The following ATRNL1 variants were observed in gnomAD, a reference collection of about 807,000 sequenced individuals.
The protein encoded by ATRNL1 is attractin like 1, also known as attractin-like protein 1.
A neutral mutation model predicts 182.7 loss-of-function variants in ATRNL1; 95 were observed. That is an observed-to-expected ratio of 0.52 (90% CI 0.44 to 0.62). ATRNL1 has a LOEUF of 0.62. Among genes scored for constraint, ATRNL1 ranks in the 20% least tolerant of loss-of-function variants. The probability of loss-of-function intolerance (pLI) is 0.00; values close to 1 mark genes in which losing one functional copy is unlikely to be tolerated. For missense variants in ATRNL1, 1,471 were observed against 1,679.5 expected (o/e 0.88, Z 2.17); for synonymous variants, 576 against 568.3 (o/e 1.01, Z -0.19).
At chr10:115,622,724 G>A (rs1399904787) in intron 26 of ATRNL1, among the ~76,000 whole-genome samples, 1 of 152,076 alleles carries the variant, frequency 6.6e-6, no homozygotes. Flanking sequence ...TCAGGAGATC[G>A]AGACCATCCT....
At chr10:115,761,578 A>C (rs1405899820) in intron 27 of ATRNL1, among the ~76,000 whole-genome samples, 1 of 152,240 alleles carries the variant, frequency 6.6e-6, no homozygotes, top group Admixed American at 6.5e-5. Flanking sequence ...CTACTTCCAA[A>C]AAAGAATTGA....
rs191415244 is a variant in ATRNL1 at position 115,415,490 on chromosome 10, C to A, written c.3270-10760C>A. On this transcript the variant is annotated intron_variant, in intron 20 of 28. Coordinates refer to ENST00000355044, the MANE Select transcript of ATRNL1 (RefSeq NM_207303.4). ...TCCCAGTTTGTCATATGTTTCTTGACAGTACTAATTGCACTTTTTTTTTTT... is the reference window on the plus strand; with the variant it reads ...TCCCAGTTTGTCATATGTTTCTTGAAAGTACTAATTGCACTTTTTTTTTTT... 2.1e-3 allele frequency among the ~76,000 whole-genome samples: 311 copies of A among 151,280 alleles called. 1 individual carries two copies. The highest frequency in any genetic ancestry group is 7.1e-3 in the African/African-American group (292 of 41,374).
At chr10:115,942,762 C>T (rs1393276187) in intron 28 of ATRNL1, among the ~76,000 whole-genome samples, 1 of 152,152 alleles carries the variant, frequency 6.6e-6, no homozygotes, top group African/African-American at 2.4e-5. Context: ...GCCAAAAGTC[C>T]TTTTGTGGCC....
intron 26 of ATRNL1, among the ~76,000 whole-genome samples, chr10:115,621,284 G>C (rs61881121): frequency 2.3e-5 from 2 of 85,840 alleles, no homozygotes; most frequent in Non-Finnish European, 4.6e-5. Context: ...TATAGAGAGA[G>C]AGAGAGAGAG....
chr10:115,185,610 G>A (rs1781305986), intron 8 of ATRNL1, among the ~76,000 whole-genome samples: 3 of 152,034 alleles, frequency 2.0e-5, no homozygotes, highest in Non-Finnish European at 4.4e-5. Context: ...CATAGCTGGA[G>A]TTGAAAAATC....
intron 26 of ATRNL1, among the ~76,000 whole-genome samples, chr10:115,699,644 CATTT>C (rs770014371): frequency 3.9e-4 from 59 of 152,106 alleles, no homozygotes; most frequent in Middle Eastern, 3.4e-3. Flanking sequence ...AGTCAGAGAA[CATTT>C]ATTTGTTTGT....
At chr10:115,426,336 T>G (rs979968397) in intron 21 of ATRNL1, 34 bp downstream of exon 21, 29 of 1,455,164 alleles carry the variant, frequency 2.0e-5, no homozygotes, top group Non-Finnish European at 2.7e-5. Flanking sequence ...TTTAAATAAT[T>G]GGTGCATACT....
At chr10:115,851,808 G>A (rs1177733400) in intron 28 of ATRNL1, among the ~76,000 whole-genome samples, 1 of 152,112 alleles carries the variant, frequency 6.6e-6, no homozygotes, top group Non-Finnish European at 1.5e-5. Flanking sequence ...TGTTGTTTAT[G>A]CATATGTTCA....
At chr10:115,118,349 C>T (rs1453569569) in intron 1 of ATRNL1, among the ~76,000 whole-genome samples, 1 of 152,022 alleles carries the variant, frequency 6.6e-6, no homozygotes, top group Non-Finnish European at 1.5e-5. Flanking sequence ...TGTTATTATG[C>T]TAGACATTTT....
At chr10:115,911,865 A>C (rs1952688386) in intron 28 of ATRNL1, among the ~76,000 whole-genome samples, 1 of 152,120 alleles carries the variant, frequency 6.6e-6, no homozygotes. Flanking sequence ...TTTCCCATGC[A>C]CCATCCCGTG....
At chr10:115,578,910 G>A (rs989852950) in intron 26 of ATRNL1, among the ~76,000 whole-genome samples, 2 of 151,414 alleles carry the variant, frequency 1.3e-5, no homozygotes, top group Admixed American at 6.6e-5. Flanking sequence ...GTTTTCTTAC[G>A]TTGTATTTCC....
chr10:115,151,271 G>A (rs1329831227), intron 5 of ATRNL1, among the ~76,000 whole-genome samples: 1 of 152,154 alleles, frequency 6.6e-6, no homozygotes, highest in Admixed American at 6.5e-5. Flanking sequence ...GGTATTTCTA[G>A]TTCTAGATCC....
intron 10 of ATRNL1, among the ~76,000 whole-genome samples, chr10:115,261,302 T>A (rs1285191478): frequency 6.6e-6 from 1 of 152,190 alleles, no homozygotes; most frequent in Non-Finnish European, 1.5e-5. Context: ...CTCAAAAATA[T>A]ACCTCCAATG....
intron 26 of ATRNL1, among the ~76,000 whole-genome samples, chr10:115,679,355 C>T (rs1263673336): frequency 3.3e-5 from 5 of 151,750 alleles, no homozygotes; most frequent in African/African-American, 9.7e-5. Context: ...GTTCCTTTTG[C>T]AGTACAACCC....
At chr10:115,098,651 G>A (rs1554863830) in intron 1 of ATRNL1, among the ~76,000 whole-genome samples, 1 of 151,532 alleles carries the variant, frequency 6.6e-6, no homozygotes. Flanking sequence ...TAGAGACGGG[G>A]TATCACCGTG....
At chr10:115,201,641 G>A (rs1384829142) in intron 8 of ATRNL1, among the ~76,000 whole-genome samples, 3 of 152,122 alleles carry the variant, frequency 2.0e-5, no homozygotes, top group Non-Finnish European at 4.4e-5. Context: ...TAGCCTTGTA[G>A]TATAGTTTGA....
At chr10:115,110,583 T>C (rs1201737430) in intron 1 of ATRNL1, among the ~76,000 whole-genome samples, 2 of 152,154 alleles carry the variant, frequency 1.3e-5, no homozygotes, top group Admixed American at 6.5e-5. Flanking sequence ...TCTGAGTCTA[T>C]AGGGACTTCT....
chr10:115,156,040 G>A (rs561111044), intron 5 of ATRNL1, among the ~76,000 whole-genome samples: 23 of 152,052 alleles, frequency 1.5e-4, no homozygotes, highest in Non-Finnish European at 2.6e-4. Flanking sequence ...TTGATGTGCC[G>A]TGTTGTGCCA....
chr10:115,839,222 C>G (rs2420125), intron 27 of ATRNL1, among the ~76,000 whole-genome samples: 95,085 of 152,006 alleles, frequency 0.63, 32,454 homozygotes, highest in East Asian at 0.79. Flanking sequence ...AAAGGGACAC[C>G]GCAAGTTTCT....
Sources: allele counts gnomAD v4.1 joint callset (sites outside exome capture counted in the v4.1 genomes callset), GRCh38; gene constraint gnomAD v4.1.1; transcripts MANE v1.5; gene names NCBI Gene and HGNC (gene_info 2026-07-23, HGNC 2026-07-21).